The following DCBLD1 variants were observed in gnomAD, a reference collection of about 807,000 sequenced individuals.
DCBLD1 encodes the protein discoidin, CUB and LCCL domain containing 1.
DCBLD1 carries 57 observed loss-of-function variants against 71.5 expected under a neutral mutation model. That is an observed-to-expected ratio of 0.80 (90% CI 0.64 to 0.99). The LOEUF (loss-of-function observed/expected upper bound fraction) is 0.99, where lower values mean the gene tolerates loss of function less well. DCBLD1 is among the 50% of genes least tolerant of loss of function. The pLI is 0.00. For missense variants in DCBLD1, 891 were observed against 923.5 expected (o/e 0.96, Z 0.46); for synonymous variants, 380 against 363.8 (o/e 1.04, Z -0.51).
chr6:117,484,610 A>G (rs1360406776), intron 1 of DCBLD1, among the ~76,000 whole-genome samples: 1 of 152,166 alleles, frequency 6.6e-6, no homozygotes, highest in East Asian at 1.9e-4. Context: ...CGGCCTCCCA[A>G]GGTGCTGGGA....
At chr6:117,516,977 G>C (rs973196539) in intron 2 of DCBLD1, among the ~76,000 whole-genome samples, 3 of 152,096 alleles carry the variant, frequency 2.0e-5, no homozygotes. Flanking sequence ...TTTCGACCCT[G>C]GCCCCTCCCA....
At chr6:117,486,048 G>T (rs567736683) in intron 1 of DCBLD1, among the ~76,000 whole-genome samples, 1 of 152,326 alleles carries the variant, frequency 6.6e-6, no homozygotes, top group East Asian at 1.9e-4. Flanking sequence ...AGCAGAATTT[G>T]AACTCTGAAT....
intron 2 of DCBLD1, among the ~76,000 whole-genome samples, chr6:117,513,831 CAT>C (rs1287366815): frequency 2.0e-5 from 3 of 152,192 alleles, no homozygotes; most frequent in Non-Finnish European, 2.9e-5. Flanking sequence ...ACCGCGCTCT[CAT>C]GTGGGTTTCC....
chr6:117,542,020 C>T (rs1189468277), intron 11 of DCBLD1, among the ~76,000 whole-genome samples: 11 of 152,292 alleles, frequency 7.2e-5, no homozygotes, highest in Non-Finnish European at 4.4e-5. Context: ...CTACCGGGCA[C>T]ATTGGCTCAT....
chr6:117,494,641 C>G (rs1777410998), intron 1 of DCBLD1: 1 of 151,880 alleles, frequency 6.6e-6, no homozygotes, highest in South Asian at 2.1e-4. Context: ...TTCTCTTAAC[C>G]AATGTGTCCA....
intron 1 of DCBLD1, among the ~76,000 whole-genome samples, chr6:117,499,759 G>A (rs1421717434): frequency 2.6e-5 from 4 of 152,184 alleles, no homozygotes; most frequent in African/African-American, 9.6e-5. Flanking sequence ...TGTCTTCTTT[G>A]TCAGTGATTG....
At chr6:117,531,567 T>A (rs1175481205) in intron 5 of DCBLD1, among the ~76,000 whole-genome samples, 1 of 152,208 alleles carries the variant, frequency 6.6e-6, no homozygotes. Context: ...ATCGCAGGGC[T>A]GAGCTGGCAC....
intron 7 of DCBLD1, among the ~76,000 whole-genome samples, chr6:117,537,776 A>G (rs1024123392): frequency 6.7e-5 from 10 of 149,662 alleles, no homozygotes; most frequent in African/African-American, 2.5e-4. Context: ...ACCCTCACCA[A>G]ATCTTCTTGA....
chr6:117,503,677 C>T, intron 1 of DCBLD1, 90 bp from the exon 2 acceptor site: 3 of 1,384,368 alleles, frequency 2.2e-6, no homozygotes, highest in Non-Finnish European at 3.0e-6. Context: ...CAATAAAATA[C>T]ATAACTTGGA....
At chr6:117,520,310 G>A (rs1373183066) in intron 3 of DCBLD1, among the ~76,000 whole-genome samples, 4 of 152,220 alleles carry the variant, frequency 2.6e-5, no homozygotes, top group Admixed American at 6.5e-5. Flanking sequence ...ATCCTGGGCT[G>A]CATGTGGCCC....
chr6:117,490,475 G>A (rs763249937), intron 1 of DCBLD1, among the ~76,000 whole-genome samples: 2 of 152,134 alleles, frequency 1.3e-5, no homozygotes, highest in South Asian at 2.1e-4. Flanking sequence ...GATGTGTCTC[G>A]TCAATGTTTT....
intron 14 of DCBLD1, chr6:117,566,785 G>A (rs1429522352): frequency 3.1e-6 from 3 of 970,774 alleles, no homozygotes; most frequent in African/African-American, 3.3e-5. Flanking sequence ...AAGAAATTCT[G>A]AGGCCTTCAC....
At chr6:117,539,516 C>G (rs1186171052) in intron 9 of DCBLD1, 137 bp downstream of exon 9, 5 of 1,032,098 alleles carry the variant, frequency 4.8e-6, no homozygotes, top group Non-Finnish European at 5.3e-6. Context: ...CTGTAATCCC[C>G]AAGCTTTGGG....
chr6:117,515,621 CTT>C (rs1248359275), intron 2 of DCBLD1, among the ~76,000 whole-genome samples: 7 of 152,184 alleles, frequency 4.6e-5, no homozygotes, highest in South Asian at 2.1e-4. Context: ...CTCACCTTAA[CTT>C]TGCAAAAATG....
At position 117,548,544 on chromosome 6, in the gene DCBLD1, G is replaced by A. The variant is rs1010293003; in HGVS notation, c.*105G>A. 23 of 1,496,392 alleles carry A rather than the reference G, an allele frequency of 1.5e-5. No homozygotes were observed. The highest frequency in any genetic ancestry group is 2.0e-5 in the Non-Finnish European group (23 of 1,127,922). 92.7% of individuals were successfully genotyped at this position (1,496,392 alleles called of 1,614,324 possible). ...AGAGTGTGCGTGTGTATCGGTGTGT[G>A]TGTACACTTGCATGTGTGTGTGTGA... is the stretch of plus-strand genomic sequence containing the variant. On this transcript the variant is annotated 3_prime_UTR_variant, in exon 15 of 15. Transcript: ENST00000338728.
intron 14 of DCBLD1, among the ~76,000 whole-genome samples, chr6:117,556,971 T>C (rs1216151051): frequency 7.2e-6 from 1 of 138,924 alleles, no homozygotes; most frequent in Non-Finnish European, 1.5e-5. Flanking sequence ...TGATTAGTGA[T>C]GTTGAACTTT....
At chr6:117,508,145 G>C (rs963238981) in intron 2 of DCBLD1, 4 of 152,204 alleles carry the variant, frequency 2.6e-5, no homozygotes, top group African/African-American at 7.2e-5. Context: ...GGAGAAATTT[G>C]GACACATAAG....
intron 7 of DCBLD1, among the ~76,000 whole-genome samples, 174 bp downstream of exon 7, chr6:117,537,399 T>TG (rs1047511583): frequency 2.6e-5 from 4 of 151,146 alleles, no homozygotes; most frequent in Admixed American, 6.6e-5. Context: ...CCGGGCCTGG[T>TG]GGGGGGCGCC....
intron 14 of DCBLD1, among the ~76,000 whole-genome samples, chr6:117,567,476 G>T (rs1351228966): frequency 1.3e-5 from 2 of 152,042 alleles, no homozygotes; most frequent in Admixed American, 1.3e-4. Flanking sequence ...CCTAGAAAAT[G>T]ATTTTTGTAC....
Sources: allele counts gnomAD v4.1 joint callset (sites outside exome capture counted in the v4.1 genomes callset), GRCh38; gene constraint gnomAD v4.1.1; transcripts MANE v1.5; gene names NCBI Gene and HGNC (gene_info 2026-07-23, HGNC 2026-07-21).